The following WDR70 variants were observed in gnomAD, a reference collection of about 807,000 sequenced individuals.
WDR70 encodes WD repeat-containing protein 70.
In WDR70, 53 loss-of-function variants were observed where a neutral mutation model predicts 88.6. The observed-to-expected ratio is 0.60, with a 90% CI of 0.48 to 0.75. The LOEUF (loss-of-function observed/expected upper bound fraction) is 0.75. Among genes scored for constraint, WDR70 ranks in the 30% least tolerant of loss-of-function variants. The probability of loss-of-function intolerance (pLI) is 0.00; values close to 1 mark genes in which losing one functional copy is unlikely to be tolerated. For missense variants in WDR70, 610 were observed against 823.2 expected, an observed-to-expected ratio of 0.74 and a Z score of 3.17; for synonymous variants, 280 against 270.0, an observed-to-expected ratio of 1.04 and a Z score of -0.36.
intron 9 of WDR70, among the ~76,000 whole-genome samples, chr5:37,572,206 G>T (rs930039622): frequency 3.9e-5 from 6 of 152,056 alleles, no homozygotes; most frequent in Non-Finnish European, 8.8e-5. Context: ...ACAAAACGAG[G>T]TAGTTGAACA....
intron 5 of WDR70, among the ~76,000 whole-genome samples, chr5:37,425,817 A>G (rs1750106329): frequency 6.6e-6 from 1 of 152,212 alleles, no homozygotes; most frequent in Non-Finnish European, 1.5e-5. Context: ...GGACTCATCA[A>G]GATTATTAGT....
At chr5:37,719,998 A>G (rs1174014343) in intron 13 of WDR70, among the ~76,000 whole-genome samples, 1 of 152,024 alleles carries the variant, frequency 6.6e-6, no homozygotes, top group Non-Finnish European at 1.5e-5. Flanking sequence ...GCGTGCCACC[A>G]TGCCCAGCTG....
chr5:37,388,738 C>CAA (rs56184955), intron 3 of WDR70, among the ~76,000 whole-genome samples: 1,634 of 140,814 alleles, frequency 0.012, 19 homozygotes, highest in East Asian at 0.024. Context: ...GACTCCGTCT[C>CAA]AAAAAAAAAA....
chr5:37,709,616 T>C (rs1370477961), intron 13 of WDR70, among the ~76,000 whole-genome samples: 1 of 152,204 alleles, frequency 6.6e-6, no homozygotes, highest in Non-Finnish European at 1.5e-5. Context: ...TGCCAGTACA[T>C]GTTTCTTTCT....
At chr5:37,686,189 T>TA (rs78669279) in intron 10 of WDR70, among the ~76,000 whole-genome samples, 2 of 3,012 alleles carry the variant, frequency 6.6e-4, no homozygotes, top group African/African-American at 3.7e-4. Context: ...TGGTGGCTTG[T>TA]GTTGTAGTCA....
intron 5 of WDR70, among the ~76,000 whole-genome samples, chr5:37,398,327 A>G (rs1258261516): frequency 6.6e-6 from 1 of 151,950 alleles, no homozygotes; most frequent in Non-Finnish European, 1.5e-5. Flanking sequence ...TGACCTCGTG[A>G]TCTGCCCGCC....
intron 9 of WDR70, among the ~76,000 whole-genome samples, chr5:37,563,788 A>T (rs1481131927): frequency 1.5e-5 from 2 of 129,942 alleles, no homozygotes; most frequent in African/African-American, 5.2e-5. Context: ...TGCCGGGCGG[A>T]GGGGCTCCTC....
In WDR70 at chr5:37,615,277, A is replaced by G. The variant is rs76104552; in HGVS notation, c.1092+10039A>G. On this transcript the variant is annotated intron_variant, in intron 10 of 17. Transcript: ENST00000265107. ...ATTAGGTAAGAAAGAGTTACTAAAA[A>G]TAAAGAGGTCTCAGAACTGAAAAAA... Among the ~76,000 whole-genome samples, 9 of 152,262 alleles carry G rather than the reference A, an allele frequency of 5.9e-5. No individual in the cohort carries two copies. In the East Asian group the frequency reaches 1.7e-3, roughly 29 times the overall value.
intron 5 of WDR70, among the ~76,000 whole-genome samples, chr5:37,429,122 G>A (rs1253601919): frequency 1.3e-5 from 2 of 152,118 alleles, no homozygotes; most frequent in African/African-American, 4.8e-5. Flanking sequence ...AATGTGCATC[G>A]CTGTGCCTGG....
At chr5:37,443,954 G>A (rs1467963356) in intron 7 of WDR70, among the ~76,000 whole-genome samples, 1 of 151,898 alleles carries the variant, frequency 6.6e-6, no homozygotes, top group Middle Eastern at 3.2e-3. Flanking sequence ...TTCGAGACCA[G>A]CCTGTCTAAC....
chr5:37,709,453 G>A (rs1342716263), intron 13 of WDR70, among the ~76,000 whole-genome samples: 1 of 152,198 alleles, frequency 6.6e-6, no homozygotes, highest in Non-Finnish European at 1.5e-5. Context: ...TGATAGGACA[G>A]TATACCTAAC....
chr5:37,658,168 G>A (rs566516859), intron 10 of WDR70, among the ~76,000 whole-genome samples: 1 of 151,898 alleles, frequency 6.6e-6, no homozygotes, highest in African/African-American at 2.4e-5. Context: ...CATTTAGTAG[G>A]TTGAGGAGGA....
chr5:37,615,945 C>A (rs191833025), intron 10 of WDR70, among the ~76,000 whole-genome samples: 12 of 152,306 alleles, frequency 7.9e-5, no homozygotes, highest in African/African-American at 1.9e-4. Flanking sequence ...TCACCCTTCT[C>A]TCTCCGTGTT....
At chr5:37,578,496 C>G (rs915197486) in intron 9 of WDR70, among the ~76,000 whole-genome samples, 1 of 152,134 alleles carries the variant, frequency 6.6e-6, no homozygotes, top group Non-Finnish European at 1.5e-5. Flanking sequence ...GAATTGCTCC[C>G]TATTTATGAA....
intron 5 of WDR70, among the ~76,000 whole-genome samples, chr5:37,435,274 T>C (rs935637539): frequency 3.9e-5 from 6 of 152,186 alleles, no homozygotes; most frequent in Admixed American, 3.9e-4. Flanking sequence ...AAAAAGTAGT[T>C]ATGAAATGAG....
chr5:37,445,479 G>C (rs1738434368), intron 7 of WDR70, among the ~76,000 whole-genome samples: 1 of 151,760 alleles, frequency 6.6e-6, no homozygotes, highest in South Asian at 2.1e-4. Context: ...TTCCATTGAT[G>C]TTCATTAGGG....
At chr5:37,697,011 C>A (rs971853082) in intron 10 of WDR70, among the ~76,000 whole-genome samples, 3 of 152,168 alleles carry the variant, frequency 2.0e-5, no homozygotes, top group South Asian at 2.1e-4. Flanking sequence ...GGACAAGGTC[C>A]TTAAGTTTCT....
In WDR70 at chr5:37,689,358, T is replaced by C. The variant is rs187053646; in HGVS notation, c.1093-8297T>C. On this transcript the variant is annotated intron_variant, in intron 10 of 17. Coordinates refer to ENST00000265107, the MANE Select transcript of WDR70 (RefSeq NM_018034.4). ...GGTTCTCCCAGCATGGCGTTTGAGC[T>C]CTGAGAACGGACAGACTGCCTCCTC... Among the ~76,000 whole-genome samples, 285 of 152,348 alleles carry C rather than the reference T, an allele frequency of 1.9e-3. 4 individuals are homozygous for C. Among genetic ancestry groups the C allele is most frequent in the Middle Eastern group, 3.4e-3 (1 of 294 alleles).
chr5:37,592,709 CT>C (rs1357400602), intron 9 of WDR70, among the ~76,000 whole-genome samples: 6 of 152,174 alleles, frequency 3.9e-5, no homozygotes, highest in Non-Finnish European at 7.3e-5. Flanking sequence ...TACTTTCCCC[CT>C]GTGCTTGAGA....
Sources: allele counts gnomAD v4.1 joint callset (sites outside exome capture counted in the v4.1 genomes callset), GRCh38; gene constraint gnomAD v4.1.1; transcripts MANE v1.5; gene names NCBI Gene and HGNC (gene_info 2026-07-23, HGNC 2026-07-21).